Variants in ING5 observed in about 807,000 individuals in gnomAD.
ING5 encodes inhibitor of growth protein 5.
Under a neutral mutation model 37.4 loss-of-function variants are expected in ING5, and 17 were observed. The observed-to-expected ratio is 0.45, with a 90% CI of 0.31 to 0.68. The LOEUF is 0.68. Ranked by LOEUF, ING5 falls within the 30% of genes least tolerant of loss-of-function variation. The pLI, the probability that ING5 is intolerant of heterozygous loss-of-function variation, is 0.05. For synonymous variants in ING5, 123 were observed against 116.6 expected (o/e 1.06, Z -0.36); for missense variants, 233 against 311.9 (o/e 0.75, Z 1.91).
chr2:241,707,904 CT>C (rs966707074), intron 2 of ING5, among the ~76,000 whole-genome samples: 1 of 149,568 alleles, frequency 6.7e-6, no homozygotes. Flanking sequence ...CAGTAGTTTT[CT>C]TTTTTTTTTC....
At chr2:241,709,560 T>TTG (rs1553584440) in intron 3 of ING5, among the ~76,000 whole-genome samples, 178 bp downstream of exon 3, 22 of 148,868 alleles carry the variant, frequency 1.5e-4, no homozygotes, top group Non-Finnish European at 3.1e-4. Context: ...TCCCTGTTTT[T>TTG]TTTTTTTTTT....
upstream of ING5, among the ~76,000 whole-genome samples, chr2:241,701,546 G>A (rs2069725764): frequency 6.6e-6 from 1 of 152,144 alleles, no homozygotes; most frequent in Admixed American, 6.5e-5. Context: ...CCTCGGCTCA[G>A]GCCGGGCTGA....
intron 5 of ING5, chr2:241,720,808 G>T: frequency 1.0e-6 from 1 of 985,650 alleles, no homozygotes; most frequent in Non-Finnish European, 1.2e-6. Context: ...AAGGGACAGG[G>T]CTCCCCATGG....
chr2:241,709,310 C>G lies in ING5; in HGVS notation c.204C>G (p.Ile68Met), dbSNP rs1244811744. 1.2e-6 allele frequency: 2 copies of G among 1,614,000 alleles called. No homozygotes were observed. The highest frequency in any genetic ancestry group is 2.7e-5 in the African/African-American group (2 of 74,918). ...PDQRVERLQK[I>M]QNAYSKCKEY... ...AGCGCGTGGAGCGCCTGCAGAAGAT[C>G]CAGAACGCCTACAGCAAGTGCAAGG... Residue 68 changes from isoleucine to methionine, a missense_variant, in exon 3 of 8, where the codon ATC becomes ATG. By Grantham distance (10) the Ile-to-Met change is conservative. This residue lies in a region of ING5 where 93 missense variants were observed against 99.7 expected (regional missense o/e 0.93). Coordinates refer to ENST00000313552, the MANE Select transcript of ING5 (RefSeq NM_032329.6).
chr2:241,706,279 C>T (rs1277962520), intron 2 of ING5, among the ~76,000 whole-genome samples: 1 of 152,094 alleles, frequency 6.6e-6, no homozygotes, highest in Non-Finnish European at 1.5e-5. Context: ...CCCTTGCTCT[C>T]CTGTTTTGAT....
chr2:241,689,175 T>C (rs956961381), intron 1 of ING5, among the ~76,000 whole-genome samples: 1 of 150,694 alleles, frequency 6.6e-6, no homozygotes, highest in Non-Finnish European at 1.5e-5. Context: ...TGCAATGGCA[T>C]GATCTTGGCT....
Position 241,725,509 on chromosome 2 carries a change from ACT to A in ING5, c.*480_*481del. On this transcript the variant is annotated 3_prime_UTR_variant, in exon 8 of 8. Coordinates refer to ENST00000313552, the MANE Select transcript of ING5 (RefSeq NM_032329.6). Reference sequence around the variant, plus strand: ...CCGTGGCGGCGGCTGCCCTCCTCACACTCGGCTCCGCGCCGCCTCCGGCCACC... The same window carrying A: ...CCGTGGCGGCGGCTGCCCTCCTCACACGGCTCCGCGCCGCCTCCGGCCACC... 6.6e-6 allele frequency: 1 copy of A among 152,344 alleles called. No homozygotes were observed. Among genetic ancestry groups the A allele is most frequent in the African/African-American group, 2.4e-5 (1 of 41,444 alleles). 9.4% of individuals were successfully genotyped at this position (152,344 alleles called of 1,614,324 possible). A position where few individuals can be genotyped will look rare whatever the true frequency, so the allele number is the denominator to read the frequency against.
At chr2:241,724,029 T>C in intron 7 of ING5, 1 of 1,393,444 alleles carries the variant, frequency 7.2e-7, no homozygotes, top group Non-Finnish European at 9.3e-7. Context: ...AATAAAAAGA[T>C]AAAAACCTGG....
At chr2:241,716,096 C>T (rs1007944603) in intron 5 of ING5, among the ~76,000 whole-genome samples, 76 of 151,706 alleles carry the variant, frequency 5.0e-4, no homozygotes, top group Non-Finnish European at 7.5e-4. Flanking sequence ...CCACCGCACC[C>T]GGCCTTCATT....
chr2:241,700,643 T>C (rs1441709298), upstream of ING5, among the ~76,000 whole-genome samples: 1 of 151,996 alleles, frequency 6.6e-6, no homozygotes, highest in Non-Finnish European at 1.5e-5. Flanking sequence ...ATTATTATTT[T>C]GAGACGGAGT....
chr2:241,724,079 A>C, intron 7 of ING5: 1 of 1,354,330 alleles, frequency 7.4e-7, no homozygotes, highest in Non-Finnish European at 9.5e-7. Flanking sequence ...ATGGATATCT[A>C]TGTTCTGAAA....
At chr2:241,708,572 G>A (rs2069998497) in intron 2 of ING5, among the ~76,000 whole-genome samples, 1 of 152,110 alleles carries the variant, frequency 6.6e-6, no homozygotes, top group Non-Finnish European at 1.5e-5. Flanking sequence ...TCATATTAAT[G>A]GAATCATCCA....
chr2:241,721,974 CA>C, intron 5 of ING5: 1 of 985,262 alleles, frequency 1.0e-6, no homozygotes, highest in Non-Finnish European at 1.2e-6. Context: ...GAAGGAGTGA[CA>C]AGGATGGTGT....
intron 5 of ING5, among the ~76,000 whole-genome samples, chr2:241,716,574 C>T (rs554966772): frequency 1.6e-4 from 24 of 152,230 alleles, no homozygotes; most frequent in Non-Finnish European, 2.2e-4. Context: ...GGATTACAGG[C>T]GTGAGCCACT....
At chr2:241,722,615 A>ATTGCGTGTTCAGAG (rs571494277) in intron 5 of ING5, 288 of 985,396 alleles carry the variant, frequency 2.9e-4, no homozygotes, top group Admixed American at 1.2e-3. Context: ...TTCTTAGAAC[A>ATTGCGTGTTCAGAG]TTGCGTGTTC....
chr2:241,708,930 T>C (rs536301801), intron 2 of ING5, among the ~76,000 whole-genome samples: 8 of 152,348 alleles, frequency 5.3e-5, no homozygotes, highest in South Asian at 2.1e-4. Context: ...AAGTTATTCA[T>C]ACAGGATGTT....
chr2:241,700,314 G>A (rs1377063117), upstream of ING5, among the ~76,000 whole-genome samples: 1 of 151,890 alleles, frequency 6.6e-6, no homozygotes, highest in Non-Finnish European at 1.5e-5. Flanking sequence ...CCGCCACCAT[G>A]CCCAGCTAAT....
chr2:241,713,445 A>G (rs1037580751), intron 5 of ING5, among the ~76,000 whole-genome samples: 4 of 141,222 alleles, frequency 2.8e-5, no homozygotes, highest in African/African-American at 1.1e-4. Flanking sequence ...ATCTCAGCTC[A>G]CTGCAACCTC....
intron 3 of ING5, 55 bp downstream of exon 3, chr2:241,709,437 A>G: frequency 1.3e-6 from 2 of 1,511,634 alleles, no homozygotes; most frequent in Middle Eastern, 1.8e-4. Flanking sequence ...CCTGCCTCTC[A>G]TGCAACAAAA....
Sources: gnomAD v4.1 joint callset for allele counts (sites outside exome capture counted in the v4.1 genomes callset) on GRCh38, gnomAD v4.1.1 for gene constraint, gnomAD v4.1.1 regional missense constraint, MANE v1.5 for transcripts, NCBI Gene and HGNC (gene_info 2026-07-23, HGNC 2026-07-21) for gene names.